Variants in TMEM74 observed in about 807,000 individuals in gnomAD.
The protein encoded by TMEM74 is transmembrane protein 74.
In TMEM74, 13 loss-of-function variants were observed where a neutral mutation model predicts 18.1. That is an observed-to-expected ratio of 0.72 (90% CI 0.47 to 1.14). The LOEUF is 1.14. Ranked by LOEUF, TMEM74 falls within the 50% of genes most tolerant of loss-of-function variation. The probability of loss-of-function intolerance (pLI) is 0.00; values close to 1 mark genes in which losing one functional copy is unlikely to be tolerated. For synonymous variants in TMEM74, 159 were observed against 146.6 expected, an observed-to-expected ratio of 1.08 and a Z score of -0.61; for missense variants, 372 against 375.9, an observed-to-expected ratio of 0.99 and a Z score of 0.09.
intron 1 of TMEM74, among the ~76,000 whole-genome samples, chr8:108,700,130 G>GTGT (rs1554573599): frequency 2.1e-5 from 3 of 143,076 alleles, no homozygotes; most frequent in Admixed American, 6.9e-5. Context: ...GGCCATAAAT[G>GTGT]GTGTGTGTGT....
At chr8:108,747,037 C>T (rs185377963) in intron 1 of TMEM74, among the ~76,000 whole-genome samples, 87 of 152,188 alleles carry the variant, frequency 5.7e-4, no homozygotes, top group Middle Eastern at 6.8e-3. Flanking sequence ...AGTCTCAGTA[C>T]GAGGTCAGGG....
At chr8:108,716,511 A>G (rs1221677770) in intron 1 of TMEM74, among the ~76,000 whole-genome samples, 1 of 152,096 alleles carries the variant, frequency 6.6e-6, no homozygotes, top group Non-Finnish European at 1.5e-5. Flanking sequence ...AAATTTTAAA[A>G]TTAGAGGACT....
intron 1 of TMEM74, among the ~76,000 whole-genome samples, chr8:108,714,774 C>T (rs1470842622): frequency 6.6e-6 from 1 of 152,214 alleles, no homozygotes; most frequent in East Asian, 1.9e-4. Flanking sequence ...TGGACTCAAC[C>T]CAGGTGCCCA....
At chr8:108,740,217 T>C (rs1813786877) in intron 1 of TMEM74, among the ~76,000 whole-genome samples, 1 of 152,146 alleles carries the variant, frequency 6.6e-6, no homozygotes. Flanking sequence ...AACACTCAGC[T>C]TTTTCCCAAC....
chr8:108,751,960 TA>T (rs1201355966), intron 1 of TMEM74, among the ~76,000 whole-genome samples: 1 of 152,060 alleles, frequency 6.6e-6, no homozygotes, highest in Non-Finnish European at 1.5e-5. Flanking sequence ...GAAACTTTAT[TA>T]AAGAGAAAGA....
intron 1 of TMEM74, among the ~76,000 whole-genome samples, chr8:108,716,046 T>C (rs564279961): frequency 2.6e-5 from 4 of 151,740 alleles, no homozygotes; most frequent in African/African-American, 9.7e-5. Context: ...AAAAAGAAAA[T>C]AAAAAAGCAG....
At chr8:108,630,812 A>G (rs1290614050) in intron 2 of TMEM74, among the ~76,000 whole-genome samples, 3 of 152,018 alleles carry the variant, frequency 2.0e-5, no homozygotes, top group Non-Finnish European at 2.9e-5. Flanking sequence ...CAGAATCTCT[A>G]GGACACAGCT....
At position 108,657,859 on chromosome 8, in the gene TMEM74, AATATATATATAT is replaced by A. The variant is rs1175396487; in HGVS notation, n.120-2434_120-2423del. On this transcript the variant is annotated intron_variant and non_coding_transcript_variant, in intron 1 of 3. Transcript: ENST00000518838. The stretch of plus-strand genomic sequence containing the variant: ...CACCGTCTCAAAAAAAAAAAAAAAA[AATATATATATAT>A]ATATATATATATATATATATATATA... 5.0e-3 allele frequency among the ~76,000 whole-genome samples: 249 copies of A among 49,832 alleles called. 3 individuals carry two copies. The highest frequency in any genetic ancestry group is 0.021 in the East Asian group (30 of 1,460). 32.7% of individuals were successfully genotyped at this position (49,832 alleles called of 152,430 possible). A position where few individuals can be genotyped will look rare whatever the true frequency, so the allele number is the denominator to read the frequency against.
rs939262309 is a variant in TMEM74, at chr8:108,780,725, G to C, written c.*3456C>G. 2.0e-4 allele frequency among the ~76,000 whole-genome samples: 30 copies of C among 152,202 alleles called. No individual in the cohort carries two copies. Among genetic ancestry groups the C allele is most frequent in the African/African-American group, 7.2e-4 (30 of 41,456 alleles). On this transcript the variant is annotated 3_prime_UTR_variant, in exon 2 of 2. Transcript: ENST00000297459. ...CAGAATCAAGGGTTATAGCAGTCATGTGGGTAAAAGCAACCATGGCCTCCA... is the reference window on the plus strand; with the variant it reads ...CAGAATCAAGGGTTATAGCAGTCATCTGGGTAAAAGCAACCATGGCCTCCA...
chr8:108,716,568 A>C (rs1813525217), intron 1 of TMEM74, among the ~76,000 whole-genome samples: 3 of 152,022 alleles, frequency 2.0e-5, no homozygotes, highest in Admixed American at 2.0e-4. Context: ...TGAGAGGAAA[A>C]TTTACAACTT....
intron 2 of TMEM74, among the ~76,000 whole-genome samples, chr8:108,623,788 G>A (rs1812467122): frequency 3.9e-5 from 6 of 151,910 alleles, no homozygotes; most frequent in Admixed American, 3.9e-4. Context: ...TTCTCTCATG[G>A]GACATTTGGC....
intron 1 of TMEM74, among the ~76,000 whole-genome samples, chr8:108,735,186 T>A (rs1234697621): frequency 6.6e-6 from 1 of 152,220 alleles, no homozygotes; most frequent in Non-Finnish European, 1.5e-5. Flanking sequence ...TTGCCAATTT[T>A]ATTAGCAGCT....
intron 1 of TMEM74, among the ~76,000 whole-genome samples, chr8:108,728,611 T>C (rs1813663981): frequency 6.6e-6 from 1 of 152,184 alleles, no homozygotes; most frequent in African/African-American, 2.4e-5. Flanking sequence ...TTTAGCAAGG[T>C]ATAACTATAT....
intron 2 of TMEM74, among the ~76,000 whole-genome samples, chr8:108,651,734 A>T (rs1381210898): frequency 6.6e-6 from 1 of 152,010 alleles, no homozygotes; most frequent in Admixed American, 6.6e-5. Flanking sequence ...GTGGACCCCC[A>T]GTTGACAAGG....
intron 1 of TMEM74, among the ~76,000 whole-genome samples, chr8:108,699,145 T>TTTCCTTCCTTCCTTCCTTCCTTCC (rs150848011): frequency 1.9e-4 from 13 of 68,772 alleles, no homozygotes; most frequent in East Asian, 5.2e-4. Flanking sequence ...CCCTCCCTCT[T>TTTCCTTCCTTCCTTCCTTCCTTCC]TTCCTTCCTT....
intron 1 of TMEM74, among the ~76,000 whole-genome samples, chr8:108,666,237 A>G (rs1391685132): frequency 1.3e-5 from 2 of 152,188 alleles, no homozygotes; most frequent in East Asian, 1.9e-4. Flanking sequence ...TGTGTTATCC[A>G]ATAATCAGCT....
At chr8:108,610,598 C>T (rs1207367108) in intron 2 of TMEM74, among the ~76,000 whole-genome samples, 2 of 152,004 alleles carry the variant, frequency 1.3e-5, no homozygotes, top group Non-Finnish European at 2.9e-5. Flanking sequence ...TTGGGTAGAA[C>T]TTAAAGAGTC....
downstream of TMEM74, among the ~76,000 whole-genome samples, chr8:108,778,779 C>G (rs923973944): frequency 6.6e-6 from 1 of 152,126 alleles, no homozygotes; most frequent in Non-Finnish European, 1.5e-5. Context: ...CACCTAAAAG[C>G]TTTCTAGACA....
chr8:108,698,126 T>A (rs149987430), intron 1 of TMEM74, among the ~76,000 whole-genome samples: 1 of 152,174 alleles, frequency 6.6e-6, no homozygotes, highest in African/African-American at 2.4e-5. Context: ...ACTTTCACAG[T>A]AATCTTTCAG....
Sources: allele counts gnomAD v4.1 joint callset (sites outside exome capture counted in the v4.1 genomes callset), GRCh38; gene constraint gnomAD v4.1.1; transcripts MANE v1.5; gene names NCBI Gene and HGNC (gene_info 2026-07-23, HGNC 2026-07-21).